Variants in CCDC126 observed in about 807,000 individuals in gnomAD.
CCDC126 encodes coiled-coil domain-containing protein 126.
CCDC126 carries 5 observed loss-of-function variants against 11.7 expected under a neutral mutation model. The ratio of observed to expected loss-of-function variants is 0.43; its 90% CI spans 0.22 to 0.90. The LOEUF (loss-of-function observed/expected upper bound fraction) is 0.90. Ranked by LOEUF, CCDC126 falls within the 40% of genes least tolerant of loss-of-function variation. The pLI is 0.27. For synonymous variants in CCDC126, 60 were observed against 61.9 expected (o/e 0.97, Z 0.14); for missense variants, 150 against 163.1 (o/e 0.92, Z 0.44).
At chr7:23,637,865 G>T in intron 3 of CCDC126, among the ~76,000 whole-genome samples, 2 of 119,838 alleles carry the variant, frequency 1.7e-5, no homozygotes, top group Admixed American at 7.9e-5. Context: ...CGCCCGGCCG[G>T]CCGCCCCGTC....
chr7:23,643,026 T>C lies in CCDC126; in HGVS notation c.334T>C (p.Ser112Pro). Residue 112 changes from serine to proline, a missense_variant, in exon 4 of 4, where the codon TCA becomes CCA. Physicochemically the swap from Ser to Pro is moderately conservative, Grantham distance 74. Coordinates refer to ENST00000307471, the MANE Select transcript of CCDC126 (RefSeq NM_138771.4). ...NKVDYIVVNGSAANTTNGTSG... is the reference protein window; with the variant it reads ...NKVDYIVVNGPAANTTNGTSG... ...AGTTGACTATATTGTTGTGAATGGCTCAGCAGCCAACACCACCAATGGTAC... is the reference window on the plus strand; with the variant it reads ...AGTTGACTATATTGTTGTGAATGGCCCAGCAGCCAACACCACCAATGGTAC... 1 of 1,614,170 alleles carries C rather than the reference T, an allele frequency of 6.2e-7. No homozygotes were observed. Among genetic ancestry groups the C allele is most frequent in the Non-Finnish European group, 8.5e-7 (1 of 1,180,016 alleles).
intron 3 of CCDC126, among the ~76,000 whole-genome samples, chr7:23,615,521 A>T (rs1324011904): frequency 1.3e-5 from 2 of 152,226 alleles, no homozygotes; most frequent in Non-Finnish European, 2.9e-5. Context: ...TGCAGTCACA[A>T]CTTGGCTGTT....
intron 3 of CCDC126, among the ~76,000 whole-genome samples, chr7:23,618,706 G>A (rs1231737626): frequency 3.3e-5 from 5 of 151,210 alleles, no homozygotes; most frequent in African/African-American, 1.2e-4. Flanking sequence ...ATGCACCACC[G>A]CGCCCAGCTA....
chr7:23,630,391 C>T (rs865870603), intron 3 of CCDC126, among the ~76,000 whole-genome samples: 11 of 152,192 alleles, frequency 7.2e-5, no homozygotes, highest in Middle Eastern at 3.4e-3. Context: ...TCCAGCTACT[C>T]AGGAGGCTGA....
At chr7:23,604,016 G>C (rs1782582885) in intron 2 of CCDC126, 1 of 152,196 alleles carries the variant, frequency 6.6e-6, no homozygotes, top group South Asian at 2.1e-4. Context: ...GTAGAATAAG[G>C]TAAGGAGGTT....
intron 3 of CCDC126, among the ~76,000 whole-genome samples, chr7:23,626,710 G>A (rs6959138): frequency 0.94 from 142,728 of 152,232 alleles, 66,983 homozygotes; most frequent in East Asian, 1. Context: ...CTTTGTGTTC[G>A]TAAGTTCTTA....
chr7:23,611,690 G>T (rs924710058), intron 3 of CCDC126, 137 bp downstream of exon 3: 3 of 651,010 alleles, frequency 4.6e-6, no homozygotes, highest in Non-Finnish European at 8.1e-6. Context: ...AATTTCAAAT[G>T]TACTGAAAAA....
intron 3 of CCDC126, among the ~76,000 whole-genome samples, chr7:23,624,687 A>G (rs556730278): frequency 6.6e-6 from 1 of 152,352 alleles, no homozygotes; most frequent in Non-Finnish European, 1.5e-5. Context: ...GTACCTATGC[A>G]CGCATATTCC....
intron 3 of CCDC126, among the ~76,000 whole-genome samples, chr7:23,631,047 C>T (rs1584213344): frequency 6.6e-6 from 1 of 151,722 alleles, no homozygotes; most frequent in African/African-American, 2.4e-5. Context: ...GTGCATAAAT[C>T]AGAAAAGAGG....
intron 3 of CCDC126, among the ~76,000 whole-genome samples, chr7:23,616,195 TATTCAGACAC>T (rs1782792167): frequency 6.6e-6 from 1 of 152,244 alleles, no homozygotes; most frequent in Admixed American, 6.5e-5. Flanking sequence ...TCTCCTAGCA[TATTCAGACAC>T]ATTAGGTATT....
chr7:23,606,122 G>A (rs1261746963), intron 2 of CCDC126, among the ~76,000 whole-genome samples: 1 of 152,000 alleles, frequency 6.6e-6, no homozygotes, highest in Non-Finnish European at 1.5e-5. Context: ...GCAGTCGCGT[G>A]ATCTCTGCTT....
chr7:23,638,529 A>G (rs1467186279), intron 3 of CCDC126, among the ~76,000 whole-genome samples: 3 of 121,106 alleles, frequency 2.5e-5, no homozygotes, highest in African/African-American at 3.4e-5. Context: ...ATGCTCGTTA[A>G]GAGTCATCAC....
At chr7:23,612,219 G>T (rs1024413870) in intron 3 of CCDC126, among the ~76,000 whole-genome samples, 1 of 151,696 alleles carries the variant, frequency 6.6e-6, no homozygotes, top group Non-Finnish European at 1.5e-5. Flanking sequence ...TACTTTGGGG[G>T]GCCAAGGTGG....
intron 3 of CCDC126, among the ~76,000 whole-genome samples, chr7:23,637,885 A>G (rs1479274615): frequency 2.7e-5 from 3 of 111,594 alleles, no homozygotes; most frequent in African/African-American, 9.7e-5. Flanking sequence ...CCGGGAGGTG[A>G]GGGGCGCCTC....
intron 3 of CCDC126, among the ~76,000 whole-genome samples, chr7:23,633,701 GA>G (rs1678196856): frequency 6.6e-6 from 1 of 152,014 alleles, no homozygotes; most frequent in African/African-American, 2.4e-5. Flanking sequence ...TGTCTCTACA[GA>G]AAAGTAGCTG....
At chr7:23,635,225 C>T (rs1213310211) in intron 3 of CCDC126, among the ~76,000 whole-genome samples, 1 of 152,190 alleles carries the variant, frequency 6.6e-6, no homozygotes, top group Non-Finnish European at 1.5e-5. Context: ...AGCAAATGTT[C>T]ATTTCAAACA....
At chr7:23,599,565 C>T (rs947502539) in intron 2 of CCDC126, among the ~76,000 whole-genome samples, 1 of 151,450 alleles carries the variant, frequency 6.6e-6, no homozygotes, top group Non-Finnish European at 1.5e-5. Flanking sequence ...TGCAGTGGTG[C>T]TGGCTCACTG....
intron 3 of CCDC126, among the ~76,000 whole-genome samples, chr7:23,638,802 ATGTT>A (rs1783295429): frequency 6.9e-6 from 1 of 145,898 alleles, no homozygotes; most frequent in African/African-American, 2.5e-5. Context: ...AAGTTAAAAA[ATGTT>A]TGATTTCATA....
intron 3 of CCDC126, among the ~76,000 whole-genome samples, chr7:23,628,589 C>T (rs1783053734): frequency 6.6e-6 from 1 of 152,230 alleles, no homozygotes. Context: ...AGGCATACAA[C>T]ATTCCTGCCA....
Sources: allele counts gnomAD v4.1 joint callset (sites outside exome capture counted in the v4.1 genomes callset), GRCh38; gene constraint gnomAD v4.1.1; transcripts MANE v1.5; gene names NCBI Gene and HGNC (gene_info 2026-07-23, HGNC 2026-07-21).